Variants in THRB observed in about 807,000 individuals in gnomAD.
THRB encodes thyroid hormone receptor beta, also known as nuclear receptor subfamily 1 group A member 2.
In THRB, 12 loss-of-function variants were observed where a neutral mutation model predicts 47.8. That is an observed-to-expected ratio of 0.25 (90% CI 0.16 to 0.41). THRB has a LOEUF of 0.41. THRB is among the 10% of genes least tolerant of loss of function. THRB has a pLI of 1.00. For missense variants in THRB, 348 were observed against 589.2 expected (o/e 0.59, Z 4.24); for synonymous variants, 218 against 212.2 (o/e 1.03, Z -0.24).
At chr3:24,273,847 T>A (rs1347919598) in intron 3 of THRB, among the ~76,000 whole-genome samples, 1 of 148,372 alleles carries the variant, frequency 6.7e-6, no homozygotes, top group Admixed American at 6.8e-5. Flanking sequence ...CTGGCAAGGA[T>A]TTTGGATAAG....
chr3:24,435,835 G>C (rs2070889870), intron 1 of THRB, among the ~76,000 whole-genome samples: 1 of 152,172 alleles, frequency 6.6e-6, no homozygotes, highest in South Asian at 2.1e-4. Flanking sequence ...CCCCTCCGCG[G>C]CCCTTCCAAA....
chr3:24,488,948 T>A (rs1457982006), intron 1 of THRB, among the ~76,000 whole-genome samples: 1 of 152,178 alleles, frequency 6.6e-6, no homozygotes, highest in Non-Finnish European at 1.5e-5. Context: ...TCGATGGATG[T>A]TGGTCAATCA....
chr3:24,142,580 T>A (rs1457290695), intron 8 of THRB, among the ~76,000 whole-genome samples: 1 of 152,252 alleles, frequency 6.6e-6, no homozygotes, highest in Non-Finnish European at 1.5e-5. Flanking sequence ...GGGATACAAA[T>A]GAAACCACAG....
chr3:24,284,747 C>G (rs1286752738), intron 3 of THRB, among the ~76,000 whole-genome samples: 3 of 149,656 alleles, frequency 2.0e-5, no homozygotes, highest in Non-Finnish European at 4.4e-5. Context: ...AAAAAACAAA[C>G]AACCCCATCA....
intron 2 of THRB, among the ~76,000 whole-genome samples, chr3:24,307,611 T>G (rs1287837937): frequency 6.6e-6 from 1 of 152,212 alleles, no homozygotes; most frequent in Non-Finnish European, 1.5e-5. Flanking sequence ...AATAACTTTC[T>G]GTGCCAAAAT....
At chr3:24,172,457 A>T (rs956795205) in intron 5 of THRB, among the ~76,000 whole-genome samples, 1 of 152,068 alleles carries the variant, frequency 6.6e-6, no homozygotes, top group Admixed American at 6.6e-5. Flanking sequence ...TTTAAAACAT[A>T]TTGTTAACTG....
intron 4 of THRB, among the ~76,000 whole-genome samples, chr3:24,190,920 G>A (rs2043256160): frequency 1.3e-5 from 2 of 151,452 alleles, no homozygotes; most frequent in Admixed American, 1.3e-4. Context: ...ACAAATAGAA[G>A]TTTTGTAAAG....
intron 5 of THRB, among the ~76,000 whole-genome samples, chr3:24,169,087 C>A (rs2040069219): frequency 6.6e-6 from 1 of 152,092 alleles, no homozygotes; most frequent in Non-Finnish European, 1.5e-5. Flanking sequence ...CTGGTCAGAG[C>A]CTTTTAACTT....
At chr3:24,437,261 C>A (rs962001918) in intron 1 of THRB, among the ~76,000 whole-genome samples, 1 of 151,498 alleles carries the variant, frequency 6.6e-6, no homozygotes, top group African/African-American at 2.4e-5. Flanking sequence ...GAGGTCATTG[C>A]GTTAAGTGAA....
chr3:24,168,020 T>C (rs1466902774), intron 5 of THRB, among the ~76,000 whole-genome samples: 1 of 152,124 alleles, frequency 6.6e-6, no homozygotes, highest in Non-Finnish European at 1.5e-5. Flanking sequence ...CCCTCAGAAA[T>C]CTTTAAATTA....
At chr3:24,445,084 A>C (rs1408347138) in intron 1 of THRB, among the ~76,000 whole-genome samples, 2 of 152,214 alleles carry the variant, frequency 1.3e-5, no homozygotes, top group Admixed American at 1.3e-4. Flanking sequence ...TGGTTACAGA[A>C]ATAGAGAGCC....
intron 1 of THRB, among the ~76,000 whole-genome samples, chr3:24,484,305 T>C (rs1394922442): frequency 1.3e-5 from 2 of 152,204 alleles, no homozygotes; most frequent in African/African-American, 4.8e-5. Flanking sequence ...TGGAATTTGA[T>C]AGAATCCCAG....
intron 1 of THRB, among the ~76,000 whole-genome samples, chr3:24,421,049 GA>G (rs559788083): frequency 1.5e-3 from 233 of 152,026 alleles, no homozygotes; most frequent in African/African-American, 5.4e-3. Flanking sequence ...TCTTTTGCAG[GA>G]AGATGGATGG....
At chr3:24,249,048 G>A (rs1423411327) in intron 3 of THRB, among the ~76,000 whole-genome samples, 2 of 152,096 alleles carry the variant, frequency 1.3e-5, no homozygotes, top group Non-Finnish European at 2.9e-5. Flanking sequence ...TGCTACACTT[G>A]TGAAAGTGCA....
intron 3 of THRB, among the ~76,000 whole-genome samples, chr3:24,256,658 C>G (rs954253412): frequency 6.6e-6 from 1 of 152,074 alleles, no homozygotes; most frequent in South Asian, 2.1e-4. Flanking sequence ...GACACCTCTA[C>G]TGTACTTGGG....
chr3:24,419,797 T>G (rs2069076767), intron 1 of THRB, among the ~76,000 whole-genome samples: 1 of 151,954 alleles, frequency 6.6e-6, no homozygotes, highest in Non-Finnish European at 1.5e-5. Context: ...AGACAGCAAC[T>G]CTACATTATT....
intron 7 of THRB, among the ~76,000 whole-genome samples, chr3:24,146,330 G>C (rs1444048486): frequency 2.0e-5 from 3 of 152,180 alleles, no homozygotes; most frequent in Non-Finnish European, 4.4e-5. Flanking sequence ...AAGGTAAATG[G>C]ACCAGACCTC....
At chr3:24,456,153 G>A (rs554471541) in intron 1 of THRB, among the ~76,000 whole-genome samples, 97 of 151,832 alleles carry the variant, frequency 6.4e-4, no homozygotes, top group Non-Finnish European at 1.2e-3. Flanking sequence ...ACATAGTGAG[G>A]CCTAATCTCT....
chr3:24,472,033 C>T (rs1437208073), intron 1 of THRB, among the ~76,000 whole-genome samples: 1 of 152,150 alleles, frequency 6.6e-6, no homozygotes, highest in Non-Finnish European at 1.5e-5. Context: ...TTTTCTCTTT[C>T]AGGTATTTTT....
Sources: allele counts gnomAD v4.1 joint callset (sites outside exome capture counted in the v4.1 genomes callset), GRCh38; gene constraint gnomAD v4.1.1; transcripts MANE v1.5; gene names NCBI Gene and HGNC (gene_info 2026-07-23, HGNC 2026-07-21).